Variants in LRRC4C observed in about 807,000 individuals in gnomAD.
LRRC4C encodes leucine rich repeat containing 4C, also known as leucine-rich repeat-containing protein 4C.
In LRRC4C, 5 loss-of-function variants were observed where a neutral mutation model predicts 33.6. The ratio of observed to expected loss-of-function variants is 0.15; its 90% CI spans 0.08 to 0.31. LRRC4C has a LOEUF of 0.31. Among genes scored for constraint, LRRC4C ranks in the 10% least tolerant of loss-of-function variants. The pLI, the probability that LRRC4C is intolerant of heterozygous loss-of-function variation, is 1.00. For synonymous variants in LRRC4C, 329 were observed against 302.0 expected (o/e 1.09, Z -0.93); for missense variants, 560 against 796.7 (o/e 0.70, Z 3.58).
intron 3 of LRRC4C, among the ~76,000 whole-genome samples, chr11:40,347,783 T>C (rs567392576): frequency 6.6e-6 from 1 of 152,180 alleles, no homozygotes; most frequent in South Asian, 2.1e-4. Flanking sequence ...TAATTTTACA[T>C]TTTTAGTAGA....
At chr11:40,810,617 G>T (rs961853264) in intron 2 of LRRC4C, among the ~76,000 whole-genome samples, 5 of 152,018 alleles carry the variant, frequency 3.3e-5, no homozygotes, top group African/African-American at 1.2e-4. Flanking sequence ...TCCCATTTCT[G>T]CAAATTGCTC....
At chr11:40,230,600 G>A (rs992678272) in intron 5 of LRRC4C, among the ~76,000 whole-genome samples, 1 of 152,178 alleles carries the variant, frequency 6.6e-6, no homozygotes, top group Non-Finnish European at 1.5e-5. Context: ...TGAGAAGTAG[G>A]AACACAATGA....
intron 2 of LRRC4C, among the ~76,000 whole-genome samples, chr11:40,669,378 G>A (rs1251451075): frequency 6.6e-6 from 1 of 152,202 alleles, no homozygotes. Context: ...AAAGAATTCT[G>A]AGAGACTCAC....
rs1442991152 is a variant in LRRC4C, at chr11:40,116,199, C to G, written c.94G>C (p.Ala32Pro). The change falls in exon 7 of 7, where the codon GCT becomes CCT. Residue 32 changes from alanine (A) to proline (P), a missense_variant. Ala to Pro is a conservative substitution (Grantham distance 27). Around this residue, in one of 3 missense-constraint regions of LRRC4C, gnomAD observed 455 missense variants for 643.8 expected, o/e 0.71. Coordinates refer to ENST00000528697, the MANE Select transcript of LRRC4C (RefSeq NM_001258419.2). ...CCAGCCACCACAAGAAGTTGAAGAG[C>G]CAGCAGCACCACAAGCAGGGGGTCA... ...LFDPLLVVLL[A>P]LQLLVVAGLV... The G allele has an allele frequency of 6.2e-7, 1 of 1,613,990 alleles. No homozygotes were observed. The highest frequency in any genetic ancestry group is 1.3e-5 in the African/African-American group (1 of 74,996).
At chr11:41,288,896 C>T (rs1044634234) in intron 1 of LRRC4C, among the ~76,000 whole-genome samples, 4 of 145,574 alleles carry the variant, frequency 2.7e-5, no homozygotes, top group African/African-American at 1.0e-4. Context: ...ATCTCCTTTT[C>T]TAGGGAGGGT....
intron 5 of LRRC4C, among the ~76,000 whole-genome samples, chr11:40,156,416 T>C (rs1458464451): frequency 2.6e-5 from 4 of 152,130 alleles, no homozygotes; most frequent in Admixed American, 2.6e-4. Context: ...CTGTCACTGT[T>C]TGCTGAAGAT....
chr11:40,691,580 CA>C (rs1945222877), intron 2 of LRRC4C, among the ~76,000 whole-genome samples: 1 of 151,996 alleles, frequency 6.6e-6, no homozygotes, highest in South Asian at 2.1e-4. Context: ...AAGAAATAAT[CA>C]GTATATAATG....
chr11:40,327,040 T>C (rs1236226086), intron 3 of LRRC4C, among the ~76,000 whole-genome samples: 1 of 152,192 alleles, frequency 6.6e-6, no homozygotes, highest in Non-Finnish European at 1.5e-5. Context: ...AAGTGAAAAA[T>C]ACCACAAGAA....
At chr11:40,790,989 G>A (rs1302949438) in intron 2 of LRRC4C, among the ~76,000 whole-genome samples, 2 of 152,144 alleles carry the variant, frequency 1.3e-5, no homozygotes, top group African/African-American at 2.4e-5. Context: ...TTAATCAGAG[G>A]TCTTCATTTG....
In LRRC4C at chr11:40,678,889, C is replaced by G. The variant is rs565986478; in HGVS notation, c.-406-30611G>C. On this transcript the variant is annotated intron_variant, in intron 2 of 6. Transcript: ENST00000528697. The stretch of plus-strand genomic sequence containing the variant: ...TAGGGGGGTGCTACAATAAAGGTAC[C>G]TAAAAATGTGGAAGCAACTTTGGAA... 8.6e-4 allele frequency among the ~76,000 whole-genome samples: 131 copies of G among 152,132 alleles called. 1 individual carries two copies. The highest frequency in any genetic ancestry group is 6.8e-3 in the Middle Eastern group (2 of 294).
chr11:40,319,202 G>C (rs1370059239), intron 4 of LRRC4C, among the ~76,000 whole-genome samples: 1 of 151,980 alleles, frequency 6.6e-6, no homozygotes, highest in Non-Finnish European at 1.5e-5. Context: ...CCTTCTTCTT[G>C]GTCAGTAGAG....
At chr11:40,508,969 G>T (rs1382557250) in intron 3 of LRRC4C, among the ~76,000 whole-genome samples, 1 of 152,126 alleles carries the variant, frequency 6.6e-6, no homozygotes, top group Non-Finnish European at 1.5e-5. Context: ...GAAATGAAGT[G>T]TTGTGGAGGA....
intron 1 of LRRC4C, among the ~76,000 whole-genome samples, chr11:41,304,182 G>A (rs1591209222): frequency 9.2e-6 from 1 of 108,734 alleles, no homozygotes; most frequent in African/African-American, 3.0e-5. Context: ...GGGGGGGTCA[G>A]CCCCCCGCCT....
chr11:40,504,184 C>T (rs1238764023), intron 3 of LRRC4C, among the ~76,000 whole-genome samples: 2 of 151,810 alleles, frequency 1.3e-5, no homozygotes, highest in Non-Finnish European at 2.9e-5. Context: ...CATTTATCAT[C>T]TGGCATTTTG....
chr11:41,334,994 A>G (rs1951406522), intron 1 of LRRC4C, among the ~76,000 whole-genome samples: 1 of 152,194 alleles, frequency 6.6e-6, no homozygotes, highest in Non-Finnish European at 1.5e-5. Context: ...TCAGGCCATC[A>G]GTTTTCAGTC....
At chr11:40,160,411 C>T (rs1334789063) in intron 5 of LRRC4C, among the ~76,000 whole-genome samples, 1 of 152,072 alleles carries the variant, frequency 6.6e-6, no homozygotes, top group African/African-American at 2.4e-5. Flanking sequence ...ATAAGGGACT[C>T]AGAAGGCTGG....
intron 4 of LRRC4C, among the ~76,000 whole-genome samples, chr11:40,310,709 G>A (rs1270228043): frequency 6.6e-6 from 1 of 152,090 alleles, no homozygotes; most frequent in Non-Finnish European, 1.5e-5. Flanking sequence ...GGTGACAGAA[G>A]TAATATGTTT....
At chr11:40,794,373 C>CAAAA (rs57476895) in intron 2 of LRRC4C, among the ~76,000 whole-genome samples, 1 of 77,212 alleles carries the variant, frequency 1.3e-5, no homozygotes, top group Non-Finnish European at 3.0e-5. Flanking sequence ...TAAACGCCAG[C>CAAAA]AAAAAAAAAA....
chr11:41,221,647 A>C (rs564050267), intron 1 of LRRC4C, among the ~76,000 whole-genome samples: 1 of 152,346 alleles, frequency 6.6e-6, no homozygotes, highest in African/African-American at 2.4e-5. Context: ...TATGGAATCA[A>C]CCTAAATGCC....
Sources: gnomAD v4.1 joint callset for allele counts (sites outside exome capture counted in the v4.1 genomes callset) on GRCh38, gnomAD v4.1.1 for gene constraint, gnomAD v4.1.1 regional missense constraint, MANE v1.5 for transcripts, NCBI Gene and HGNC (gene_info 2026-07-23, HGNC 2026-07-21) for gene names.